GRPR: variants seen among roughly 807,000 people sequenced by gnomAD.
GRPR encodes the protein gastrin releasing peptide receptor, also known as gastrin-releasing peptide receptor.
In GRPR, 4 loss-of-function variants were observed where a neutral mutation model predicts 15.6. That is an observed-to-expected ratio of 0.26 (90% CI 0.13 to 0.59). The LOEUF (loss-of-function observed/expected upper bound fraction) is 0.59. GRPR is among the 20% of genes least tolerant of loss of function. GRPR has a pLI of 0.90. For synonymous variants in GRPR, 128 were observed against 126.8 expected (o/e 1.01, Z -0.06); for missense variants, 270 against 304.1 (o/e 0.89, Z 0.83).
Position 16,152,407 on chromosome X carries a change from G to T in GRPR, c.917G>T (p.Cys306Phe). The change falls in exon 3 of 3, where the codon TGT becomes TTT. Residue 306 changes from cysteine to phenylalanine, a missense_variant. Cys to Phe is a radical substitution (Grantham distance 205). Transcript: ENST00000380289. ...ATGCTCCACTTTGTCACCAGCATCT[G>T]TGCCCGCCTCCTGGCCTTCACCAAC... ...TSMLHFVTSI[C>F]ARLLAFTNSC... 3 of 1,211,064 alleles carry T rather than the reference G, an allele frequency of 2.5e-6. No homozygotes were observed. Among genetic ancestry groups the T allele is most frequent in the Non-Finnish European group, 3.4e-6 (3 of 894,953 alleles).
intron 1 of GRPR, among the ~76,000 whole-genome samples, chrX:16,147,362 T>A (rs1922622489): frequency 8.9e-6 from 1 of 112,177 alleles, no homozygotes; most frequent in Non-Finnish European, 1.9e-5. Context: ...AAATATCTTT[T>A]TATTGTTGTT....
intron 1 of GRPR, among the ~76,000 whole-genome samples, chrX:16,149,117 C>T (rs895108357): frequency 8.9e-6 from 1 of 111,837 alleles, no homozygotes; most frequent in Non-Finnish European, 1.9e-5. Flanking sequence ...AGGACTTCCC[C>T]GTTGGGTAAT....
In GRPR at chrX:16,124,211, C is replaced by A. The variant is rs1349387672; in HGVS notation, c.258C>A (p.Asp86Glu). Residue 86 changes from aspartate to glutamate, a missense_variant, in exon 1 of 3, where the codon GAC becomes GAA. By Grantham distance (45) the Asp-to-Glu change is conservative (BLOSUM62 2). Around this residue, in one of 3 missense-constraint regions of GRPR, gnomAD observed 115 missense variants for 128.8 expected, o/e 0.89. Transcript: ENST00000380289. ...NLFISSLALG[D>E]LLLLITCAPV... ...TCATTTCCAGTCTGGCTTTGGGAGA[C>A]CTGCTCCTCCTAATAACGTGTGCTC... 1.7e-6 allele frequency: 2 copies of A among 1,210,708 alleles called. No individual in the cohort carries two copies.
chrX:16,131,437 C>T (rs1841553666), intron 1 of GRPR, among the ~76,000 whole-genome samples: 1 of 111,998 alleles, frequency 8.9e-6, no homozygotes, highest in African/African-American at 3.2e-5. Context: ...ATAACCAATA[C>T]TACCCCATAA....
intron 1 of GRPR, among the ~76,000 whole-genome samples, chrX:16,149,175 C>T (rs767237012): frequency 8.9e-6 from 1 of 111,926 alleles, no homozygotes; most frequent in East Asian, 2.8e-4. Flanking sequence ...GACCAGCTAT[C>T]CCAGTTTGCT....
At chrX:16,140,137 G>A (rs186926792) in intron 1 of GRPR, among the ~76,000 whole-genome samples, 1 of 111,383 alleles carries the variant, frequency 9.0e-6, no homozygotes, top group Admixed American at 9.5e-5. Context: ...TCCTGGGCCA[G>A]TGGTCCCAGT....
At chrX:16,126,362 A>G (rs1922291776) in intron 1 of GRPR, among the ~76,000 whole-genome samples, 1 of 112,047 alleles carries the variant, frequency 8.9e-6, no homozygotes, top group African/African-American at 3.2e-5. Flanking sequence ...CTTTTTTTCT[A>G]TTCATCTCAT....
chrX:16,123,828 G>A lies in GRPR; in HGVS notation c.-126G>A, dbSNP rs1251957190. 5 of 552,987 alleles carry A rather than the reference G, an allele frequency of 9.0e-6. No homozygotes were observed. The highest frequency in any genetic ancestry group is 1.6e-5 in the Non-Finnish European group (5 of 320,372). 45.6% of individuals were successfully genotyped at this position (552,987 alleles called of 1,213,427 possible). A position where few individuals can be genotyped will look rare whatever the true frequency, so the allele number is the denominator to read the frequency against. On this transcript the variant is annotated 5_prime_UTR_variant, in exon 1 of 3. Transcript: ENST00000380289. ...ACCATAGTTAGTATATATGTACTCA[G>A]AGTATTTTTATTAAAGAAGGCAAAG...
intron 1 of GRPR, among the ~76,000 whole-genome samples, chrX:16,137,029 G>C: frequency 9.0e-6 from 1 of 111,164 alleles, no homozygotes; most frequent in South Asian, 3.9e-4. Context: ...TTATTTAGCA[G>C]TGAGAATTTC....
At chrX:16,141,294 T>C (rs938691552) in intron 1 of GRPR, among the ~76,000 whole-genome samples, 2 of 112,457 alleles carry the variant, frequency 1.8e-5, no homozygotes, top group Non-Finnish European at 3.8e-5. Context: ...GGGTCAATAG[T>C]TGCCCAACTC....
At chrX:16,126,097 G>T (rs1383279769) in intron 1 of GRPR, among the ~76,000 whole-genome samples, 1 of 111,629 alleles carries the variant, frequency 9.0e-6, no homozygotes, top group Non-Finnish European at 1.9e-5. Flanking sequence ...AGCAGACCAA[G>T]TTCACCATCA....
At position 16,136,279 on chromosome X, in the gene GRPR, G is replaced by C. The variant is rs746775480; in HGVS notation, c.413+11913G>C. ...CTCATTTGTCTGTACCAGGATAGCA[G>C]CACTTTATATGCTGACCTAGCAGCA... On this transcript the variant is annotated intron_variant, in intron 1 of 2. Coordinates refer to ENST00000380289, the MANE Select transcript of GRPR (RefSeq NM_005314.3). 2.7e-5 allele frequency among the ~76,000 whole-genome samples: 3 copies of C among 111,937 alleles called. No individual in the cohort carries two copies. In the East Asian group the frequency reaches 8.4e-4, roughly 31 times the overall value.
chrX:16,143,434 A>G (rs1378038819), intron 1 of GRPR, among the ~76,000 whole-genome samples: 1 of 112,999 alleles, frequency 8.8e-6, no homozygotes, highest in African/African-American at 3.2e-5. Context: ...AGCAATGAAG[A>G]AAAGGAGCCA....
At chrX:16,150,223 C>A in intron 1 of GRPR, 82 bp from the exon 2 acceptor site, 2 of 687,602 alleles carry the variant, frequency 2.9e-6, no homozygotes, top group Non-Finnish European at 4.7e-6. Flanking sequence ...CGCCAGGTGT[C>A]TCGCTTGCCT....
intron 1 of GRPR, among the ~76,000 whole-genome samples, chrX:16,148,288 A>G (rs763956387): frequency 8.9e-6 from 1 of 111,796 alleles, no homozygotes; most frequent in East Asian, 2.8e-4. Context: ...GCAATAATGA[A>G]CTTGCAGACA....
At chrX:16,136,034 C>A (rs1922442868) in intron 1 of GRPR, among the ~76,000 whole-genome samples, 1 of 111,709 alleles carries the variant, frequency 9.0e-6, no homozygotes, top group Admixed American at 9.5e-5. Context: ...GTATTCTTTA[C>A]TTGTGCTTTA....
At position 16,123,908 on chromosome X, in the gene GRPR, G is replaced by C. The variant is rs1392269330; in HGVS notation, c.-46G>C. 1.0e-5 allele frequency: 11 copies of C among 1,080,037 alleles called. No individual in the cohort carries two copies. Among genetic ancestry groups the C allele is most frequent in the South Asian group, 3.7e-5 (2 of 54,038 alleles). 89.0% of individuals were successfully genotyped at this position (1,080,037 alleles called of 1,213,427 possible). ...ACTCGGTTGCAAAATCAATAGTTAA[G>C]AAATAGCATCTAAGGGAACTTTTAG... On this transcript the variant is annotated 5_prime_UTR_variant, in exon 1 of 3. Coordinates refer to ENST00000380289, the MANE Select transcript of GRPR (RefSeq NM_005314.3).
intron 1 of GRPR, among the ~76,000 whole-genome samples, chrX:16,136,144 G>T (rs1004483706): frequency 9.0e-6 from 1 of 111,674 alleles, no homozygotes; most frequent in African/African-American, 3.3e-5. Context: ...CAGCTAACTG[G>T]CTGTGGGACT....
rs140519802 is a variant in GRPR at position 16,137,005 on chromosome X, G to A, written c.413+12639G>A. Among the ~76,000 whole-genome samples, 34 of 111,108 alleles carry A rather than the reference G, an allele frequency of 3.1e-4. No individual in the cohort carries two copies. In the East Asian group the frequency reaches 9.3e-3, roughly 30 times the overall value. On this transcript the variant is annotated intron_variant, in intron 1 of 2. Transcript: ENST00000380289. Reference sequence around the variant, plus strand: ...ACTGTCCCTGATATAGAGTGTGCATGCTTTCTGGGGTGGTTATTTAGCAGT... The same window carrying A: ...ACTGTCCCTGATATAGAGTGTGCATACTTTCTGGGGTGGTTATTTAGCAGT...
Sources: gnomAD v4.1 joint callset for allele counts (sites outside exome capture counted in the v4.1 genomes callset) on GRCh38, gnomAD v4.1.1 for gene constraint, gnomAD v4.1.1 regional missense constraint, MANE v1.5 for transcripts, NCBI Gene and HGNC (gene_info 2026-07-23, HGNC 2026-07-21) for gene names.